Variants in PTPRM observed in about 807,000 individuals in gnomAD.
PTPRM encodes the protein protein tyrosine phosphatase receptor type M, also known as receptor-type tyrosine-protein phosphatase mu.
A neutral mutation model predicts 186.7 loss-of-function variants in PTPRM; 47 were observed. The ratio of observed to expected loss-of-function variants is 0.25; its 90% CI spans 0.20 to 0.32. The LOEUF is 0.32. Among genes scored for constraint, PTPRM ranks in the 10% least tolerant of loss-of-function variants. The pLI is 1.00. For synonymous variants in PTPRM, 668 were observed against 674.9 expected, an observed-to-expected ratio of 0.99 and a Z score of 0.16; for missense variants, 1,494 against 1,865.0, an observed-to-expected ratio of 0.80 and a Z score of 3.66.
chr18:8,322,718 T>G (rs2148093594), intron 22 of PTPRM, among the ~76,000 whole-genome samples: 1 of 152,314 alleles, frequency 6.6e-6, no homozygotes, highest in Middle Eastern at 3.4e-3. Flanking sequence ...TTATGTGGCC[T>G]GCAAGCTGGA....
At chr18:8,095,559 GA>G (rs1221249765) in intron 11 of PTPRM, among the ~76,000 whole-genome samples, 1 of 152,012 alleles carries the variant, frequency 6.6e-6, no homozygotes, top group Admixed American at 6.6e-5. Context: ...TCAGGTCAGG[GA>G]AAAAATGTAA....
chr18:7,813,751 AT>A (rs1169633893), intron 2 of PTPRM, among the ~76,000 whole-genome samples: 1 of 144,066 alleles, frequency 6.9e-6, no homozygotes, highest in Non-Finnish European at 1.5e-5. Context: ...TTTTTTTCAC[AT>A]TTTTTCATCT....
chr18:7,768,652 T>A (rs867624977), intron 1 of PTPRM, among the ~76,000 whole-genome samples: 1,635 of 130,450 alleles, frequency 0.013, 21 homozygotes, highest in African/African-American at 0.036. Context: ...ATATATATTT[T>A]TTTTTTTTTT....
chr18:7,829,876 C>G (rs1567882093), intron 2 of PTPRM, among the ~76,000 whole-genome samples: 1 of 152,178 alleles, frequency 6.6e-6, no homozygotes, highest in East Asian at 1.9e-4. Context: ...ACTTTCCCCC[C>G]TTTTTTGTGT....
intron 4 of PTPRM, among the ~76,000 whole-genome samples, chr18:7,912,887 A>G (rs981812853): frequency 6.6e-6 from 1 of 152,130 alleles, no homozygotes; most frequent in Non-Finnish European, 1.5e-5. Context: ...TTCAGCTGGG[A>G]TATTGATAGG....
chr18:8,310,340 G>A (rs1029375090), intron 20 of PTPRM, among the ~76,000 whole-genome samples: 1 of 151,244 alleles, frequency 6.6e-6, no homozygotes, highest in African/African-American at 2.4e-5. Flanking sequence ...AATGAAGCAC[G>A]CCCCTGCCTG....
chr18:8,321,421 C>T (rs2095344857), intron 22 of PTPRM, among the ~76,000 whole-genome samples: 1 of 151,926 alleles, frequency 6.6e-6, no homozygotes, highest in Admixed American at 6.6e-5. Context: ...ATTCTCTCTG[C>T]CCCTCTCCCC....
At chr18:7,985,796 T>G (rs1228499019) in intron 7 of PTPRM, among the ~76,000 whole-genome samples, 1 of 152,066 alleles carries the variant, frequency 6.6e-6, no homozygotes, top group Non-Finnish European at 1.5e-5. Flanking sequence ...TCAGTTATTA[T>G]TGATGATAGT....
chr18:7,842,758 A>G (rs1366463519), intron 2 of PTPRM, among the ~76,000 whole-genome samples: 1 of 151,086 alleles, frequency 6.6e-6, no homozygotes, highest in Non-Finnish European at 1.5e-5. Context: ...CAGTTTCTTA[A>G]AATCTCAATC....
chr18:8,124,437 T>G (rs2092274994), intron 13 of PTPRM, among the ~76,000 whole-genome samples: 1 of 152,188 alleles, frequency 6.6e-6, no homozygotes, highest in African/African-American at 2.4e-5. Context: ...ATTCAGTCAT[T>G]TATTTGACAT....
chr18:7,594,091 T>A (rs948513269), intron 1 of PTPRM, among the ~76,000 whole-genome samples: 7 of 152,206 alleles, frequency 4.6e-5, no homozygotes, highest in Non-Finnish European at 1.0e-4. Flanking sequence ...TTTCTGTTGA[T>A]GTTAAGGAAG....
intron 14 of PTPRM, among the ~76,000 whole-genome samples, chr18:8,240,693 AAGAG>A (rs74187966): frequency 0.45 from 49,412 of 110,492 alleles, 13,778 homozygotes; most frequent in Middle Eastern, 0.58. Flanking sequence ...GAAAGAGAGA[AAGAG>A]AGAAAGAAAG....
chr18:7,793,333 C>T (rs1397023268), intron 2 of PTPRM, among the ~76,000 whole-genome samples: 5 of 152,110 alleles, frequency 3.3e-5, no homozygotes, highest in Admixed American at 1.3e-4. Context: ...TGACTCACAC[C>T]GTGATGTTCT....
At chr18:8,186,223 G>A (rs1310636351) in intron 14 of PTPRM, among the ~76,000 whole-genome samples, 1 of 150,926 alleles carries the variant, frequency 6.6e-6, no homozygotes, top group Non-Finnish European at 1.5e-5. Context: ...CTACTAGGGA[G>A]CCTGAGGCAG....
intron 19 of PTPRM, among the ~76,000 whole-genome samples, chr18:8,267,975 A>G (rs969959843): frequency 6.6e-6 from 1 of 152,100 alleles, no homozygotes; most frequent in African/African-American, 2.4e-5. Flanking sequence ...TTTGTCTCCT[A>G]CTAATGTGTC....
At chr18:8,289,540 A>G (rs1156741201) in intron 19 of PTPRM, among the ~76,000 whole-genome samples, 1 of 65,858 alleles carries the variant, frequency 1.5e-5, no homozygotes, top group Admixed American at 1.3e-4. Flanking sequence ...ATATACACAT[A>G]TATATATATA....
chr18:7,834,491 T>TACACACACACACACATACACAC lies in PTPRM; in HGVS notation c.197-53600_197-53599insTACACACACACACACACACACA, dbSNP rs1555613408. Reference sequence around the variant, plus strand: ...TAAAATACAGGCCAATATACAAGTATACACACACACACACACACACACACA... The same window carrying TACACACACACACACATACACAC: ...TAAAATACAGGCCAATATACAAGTATACACACACACACACATACACACACACACACACACACACACACACACA... On this transcript the variant is annotated intron_variant, in intron 2 of 32. Coordinates refer to ENST00000580170, the MANE Select transcript of PTPRM (RefSeq NM_001105244.2). Among the ~76,000 whole-genome samples, 39 of 84,604 alleles carry TACACACACACACACATACACAC rather than the reference T, an allele frequency of 4.6e-4. 1 individual carries two copies. Among genetic ancestry groups the TACACACACACACACATACACAC allele is most frequent in the East Asian group, 2.8e-3 (9 of 3,174 alleles). 55.5% of individuals were successfully genotyped at this position (84,604 alleles called of 152,430 possible). A position where few individuals can be genotyped will look rare whatever the true frequency, so the allele number is the denominator to read the frequency against.
At chr18:7,706,601 C>CAAAAAAAAAAAAAA (rs766639399) in intron 1 of PTPRM, among the ~76,000 whole-genome samples, 13 of 16,130 alleles carry the variant, frequency 8.1e-4, no homozygotes, top group Non-Finnish European at 1.0e-3. Context: ...GACCTTGTCT[C>CAAAAAAAAAAAAAA]AAAAAAAAAA....
At chr18:7,684,949 C>A (rs1295809032) in intron 1 of PTPRM, among the ~76,000 whole-genome samples, 1 of 152,130 alleles carries the variant, frequency 6.6e-6, no homozygotes, top group Non-Finnish European at 1.5e-5. Flanking sequence ...ATAGCAAAAC[C>A]AATTTACATT....
Sources: allele counts gnomAD v4.1 joint callset (sites outside exome capture counted in the v4.1 genomes callset), GRCh38; gene constraint gnomAD v4.1.1; transcripts MANE v1.5; gene names NCBI Gene and HGNC (gene_info 2026-07-23, HGNC 2026-07-21).